The following PPFIBP1 variants were observed in gnomAD, a reference collection of about 807,000 sequenced individuals.
The protein encoded by PPFIBP1 is liprin-beta-1.
A neutral mutation model predicts 137.8 loss-of-function variants in PPFIBP1; 112 were observed. The ratio of observed to expected loss-of-function variants is 0.81; its 90% CI spans 0.70 to 0.95. The LOEUF (loss-of-function observed/expected upper bound fraction) is 0.95. Ranked by LOEUF, PPFIBP1 falls within the 40% of genes least tolerant of loss-of-function variation. The pLI is 0.00. For synonymous variants in PPFIBP1, 378 were observed against 417.3 expected (o/e 0.91, Z 1.15); for missense variants, 1,083 against 1,196.6 (o/e 0.91, Z 1.40).
intron 1 of PPFIBP1, among the ~76,000 whole-genome samples, chr12:27,556,952 C>T (rs1191589423): frequency 2.6e-5 from 2 of 75,782 alleles, no homozygotes; most frequent in African/African-American, 6.4e-5. Flanking sequence ...AGACCCCACC[C>T]CTCAAAAAAA....
At position 27,679,920 on chromosome 12, in the gene PPFIBP1, T is replaced by A. The variant is rs1187155748; in HGVS notation, c.1767-13T>A. 6.2e-7 allele frequency: 1 copy of A among 1,614,046 alleles called. No homozygotes were observed. The highest frequency in any genetic ancestry group is 1.7e-5 in the Admixed American group (1 of 60,022). On this transcript the variant is annotated splice_polypyrimidine_tract_variant and intron_variant, in intron 20 of 29. Transcript: ENST00000228425. Reference sequence around the variant, plus strand: ...TCAGGTCTAATACTGGCCATGTGTGTTGTCTTCTTTAGACTTAGGAGAAGT... The same window carrying A: ...TCAGGTCTAATACTGGCCATGTGTGATGTCTTCTTTAGACTTAGGAGAAGT...
chr12:27,563,869 C>CTTTTTTTTTTT (rs570467910), intron 1 of PPFIBP1, among the ~76,000 whole-genome samples: 1 of 142,966 alleles, frequency 7.0e-6, no homozygotes. Context: ...AAACACTTCC[C>CTTTTTTTTTTT]TTTTTTTTTT....
In PPFIBP1 at chr12:27,682,714, C is replaced by G; in HGVS notation, c.2247+11C>G. The G allele has an allele frequency of 6.2e-7, 1 of 1,614,030 alleles. No homozygotes were observed. Among genetic ancestry groups the G allele is most frequent in the Non-Finnish European group, 8.5e-7 (1 of 1,179,998 alleles). Reference sequence around the variant, plus strand: ...CATTACATGACTGTTGTAAGTGACTCACTCCTGGGGTTTGGGGGAGGAAAA... The same window carrying G: ...CATTACATGACTGTTGTAAGTGACTGACTCCTGGGGTTTGGGGGAGGAAAA... On this transcript the variant is annotated intron_variant, in intron 24 of 29. Transcript: ENST00000228425.
intron 13 of PPFIBP1, among the ~76,000 whole-genome samples, chr12:27,669,494 G>A (rs2060051323): frequency 6.6e-6 from 1 of 152,174 alleles, no homozygotes; most frequent in African/African-American, 2.4e-5. Flanking sequence ...GTTTGATGAG[G>A]GTTGAGGGAG....
At chr12:27,689,887 TC>T (rs1055235268) in intron 27 of PPFIBP1, among the ~76,000 whole-genome samples, 9 of 152,162 alleles carry the variant, frequency 5.9e-5, no homozygotes, top group African/African-American at 2.2e-4. Flanking sequence ...TTTACCTTCT[TC>T]CCCTCTTTAT....
chr12:27,604,312 T>C (rs2054291959), intron 2 of PPFIBP1, among the ~76,000 whole-genome samples: 1 of 152,206 alleles, frequency 6.6e-6, no homozygotes, highest in African/African-American at 2.4e-5. Flanking sequence ...TAGCAGTAAA[T>C]GTGAATGCCT....
chr12:27,642,363 T>C (rs1178618282), intron 4 of PPFIBP1, among the ~76,000 whole-genome samples: 1 of 152,196 alleles, frequency 6.6e-6, no homozygotes, highest in Non-Finnish European at 1.5e-5. Flanking sequence ...AGTAGAAAGG[T>C]AAAGTGATTT....
chr12:27,529,426 G>T (rs1445118404), intron 1 of PPFIBP1, among the ~76,000 whole-genome samples: 1 of 152,228 alleles, frequency 6.6e-6, no homozygotes, highest in Non-Finnish European at 1.5e-5. Context: ...GGACGCGATG[G>T]CTCATGCCTG....
In PPFIBP1 at chr12:27,566,270, A is replaced by G. The variant is rs139507975; in HGVS notation, c.-123-11882A>G. 2.4e-4 allele frequency among the ~76,000 whole-genome samples: 36 copies of G among 152,260 alleles called. No individual in the cohort carries two copies. In the East Asian group the frequency reaches 6.4e-3, roughly 27 times the overall value. ...TATGAAGGTTTTTTTGCCACATGCTAGGTTTGGCCCATGATAGTCAAAGAA... is the reference window on the plus strand; with the variant it reads ...TATGAAGGTTTTTTTGCCACATGCTGGGTTTGGCCCATGATAGTCAAAGAA... On this transcript the variant is annotated intron_variant, in intron 1 of 29. Coordinates refer to ENST00000228425, the MANE Select transcript of PPFIBP1 (RefSeq NM_003622.4).
In PPFIBP1 at chr12:27,625,228, C is replaced by T. The variant is rs551364320; in HGVS notation, c.-35-8134C>T. Among the ~76,000 whole-genome samples, 24 of 152,112 alleles carry T rather than the reference C, an allele frequency of 1.6e-4. No individual in the cohort carries two copies. In the South Asian group the frequency reaches 4.8e-3, roughly 30 times the overall value. On this transcript the variant is annotated intron_variant, in intron 2 of 29. Transcript: ENST00000228425. ...TTGCGCCACTGCACTCCAGCCTGGG[C>T]GATAAAATGAGACTGTTTCAAAAAA...
At chr12:27,617,147 A>T (rs1472322137) in intron 2 of PPFIBP1, among the ~76,000 whole-genome samples, 1 of 152,226 alleles carries the variant, frequency 6.6e-6, no homozygotes, top group East Asian at 1.9e-4. Flanking sequence ...TAATTCAAAG[A>T]CATCCAATAG....
chr12:27,680,983 T>A (rs2060841680), intron 21 of PPFIBP1, among the ~76,000 whole-genome samples: 1 of 151,714 alleles, frequency 6.6e-6, no homozygotes, highest in Non-Finnish European at 1.5e-5. Context: ...TAGAGCTCCT[T>A]GTACTATTTA....
chr12:27,557,744 G>A (rs919213756), intron 1 of PPFIBP1, among the ~76,000 whole-genome samples: 2 of 152,132 alleles, frequency 1.3e-5, no homozygotes, highest in African/African-American at 2.4e-5. Flanking sequence ...AACACTGTTG[G>A]CATAGTACAT....
chr12:27,531,314 A>G (rs1565712838), intron 1 of PPFIBP1, among the ~76,000 whole-genome samples: 1 of 151,892 alleles, frequency 6.6e-6, no homozygotes, highest in Non-Finnish European at 1.5e-5. Context: ...TTTTTTTTTG[A>G]GACAGTCTCG....
At chr12:27,553,778 A>G (rs1947018998) in intron 1 of PPFIBP1, among the ~76,000 whole-genome samples, 1 of 152,346 alleles carries the variant, frequency 6.6e-6, no homozygotes, top group Middle Eastern at 3.4e-3. Flanking sequence ...CTATTAGAAC[A>G]GGCAGATGGA....
chr12:27,610,307 A>T (rs1314007014), intron 2 of PPFIBP1, among the ~76,000 whole-genome samples: 2 of 152,202 alleles, frequency 1.3e-5, no homozygotes, highest in Non-Finnish European at 2.9e-5. Context: ...TCTTTGCATG[A>T]CTAGGATGAC....
At chr12:27,578,784 A>T (rs2050796251) in intron 2 of PPFIBP1, among the ~76,000 whole-genome samples, 1 of 152,192 alleles carries the variant, frequency 6.6e-6, no homozygotes, top group Non-Finnish European at 1.5e-5. Flanking sequence ...TCATTCTACA[A>T]ATAGTGTTTC....
chr12:27,630,085 G>C (rs1398155808), intron 2 of PPFIBP1, among the ~76,000 whole-genome samples: 1 of 152,050 alleles, frequency 6.6e-6, no homozygotes, highest in Non-Finnish European at 1.5e-5. Flanking sequence ...GTGTGTTACT[G>C]AGTTTTTTTT....
chr12:27,593,129 CAAAAAAAA>C (rs33939858), intron 2 of PPFIBP1, among the ~76,000 whole-genome samples: 1 of 100,942 alleles, frequency 9.9e-6, no homozygotes, highest in Non-Finnish European at 1.9e-5. Context: ...AAGAATGTCT[CAAAAAAAA>C]AAAAAAAAAA....
Sources: gnomAD v4.1 joint callset for allele counts (sites outside exome capture counted in the v4.1 genomes callset) on GRCh38, gnomAD v4.1.1 for gene constraint, MANE v1.5 for transcripts, NCBI Gene and HGNC (gene_info 2026-07-23, HGNC 2026-07-21) for gene names.